The following ARL13A variants were observed in gnomAD, a reference collection of about 807,000 sequenced individuals.
ARL13A encodes ADP-ribosylation factor-like protein 13A.
Under a neutral mutation model 19.1 loss-of-function variants are expected in ARL13A, and 16 were observed. The observed-to-expected ratio is 0.84, with a 90% CI of 0.57 to 1.27. ARL13A has a LOEUF of 1.27. Among genes scored for constraint, ARL13A ranks in the 50% most tolerant of loss-of-function variants. The probability of loss-of-function intolerance (pLI) is 0.00; values close to 1 mark genes in which losing one functional copy is unlikely to be tolerated. For synonymous variants in ARL13A, 69 were observed against 71.3 expected, an observed-to-expected ratio of 0.97 and a Z score of 0.17; for missense variants, 153 against 186.4, an observed-to-expected ratio of 0.82 and a Z score of 1.04.
At chrX:100,979,071 T>C (rs1602450953) in intron 3 of ARL13A, among the ~76,000 whole-genome samples, 1 of 111,996 alleles carries the variant, frequency 8.9e-6, no homozygotes, top group Non-Finnish European at 1.9e-5. Flanking sequence ...TTATATCTTA[T>C]TATACTGTCT....
intron 3 of ARL13A, among the ~76,000 whole-genome samples, chrX:100,984,024 G>T (rs1367726581): frequency 2.7e-5 from 3 of 111,566 alleles, no homozygotes; most frequent in Non-Finnish European, 5.6e-5. Flanking sequence ...CTACTAATGT[G>T]GGAAGAGAGC....
intron 7 of ARL13A, among the ~76,000 whole-genome samples, chrX:100,988,851 C>CATATATATAT (rs55947893): frequency 2.5e-3 from 196 of 79,650 alleles, no homozygotes; most frequent in African/African-American, 6.2e-3. Context: ...TAATATATCT[C>CATATATATAT]ATATATATAT....
intron 3 of ARL13A, among the ~76,000 whole-genome samples, chrX:100,978,626 T>G (rs1278618864): frequency 9.2e-6 from 1 of 108,702 alleles, no homozygotes; most frequent in Non-Finnish European, 1.9e-5. Flanking sequence ...GATCATGTGT[T>G]TTTTTTTTTA....
At chrX:100,989,686 G>A (rs761847063) in intron 7 of ARL13A, among the ~76,000 whole-genome samples, 3 of 111,707 alleles carry the variant, frequency 2.7e-5, no homozygotes, top group Non-Finnish European at 5.6e-5. Flanking sequence ...TAAGCTATGA[G>A]GGCTTAAAGG....
At chrX:100,976,931 G>A (rs966068106) in intron 3 of ARL13A, among the ~76,000 whole-genome samples, 3 of 112,576 alleles carry the variant, frequency 2.7e-5, no homozygotes, top group African/African-American at 6.5e-5. Flanking sequence ...ACAGATAATT[G>A]CCTAGGAAGG....
intron 2 of ARL13A, 31 bp from the exon 3 acceptor site, chrX:100,974,096 C>G (rs371949112): frequency 8.9e-7 from 1 of 1,122,178 alleles, no homozygotes; most frequent in African/African-American, 1.8e-5. Context: ...TGTTTTAAGA[C>G]TTTGGGCTCA....
rs1216048879 is a variant in ARL13A, at chrX:100,986,910, C to G, written c.486+9C>G. The stretch of plus-strand genomic sequence containing the variant: ...AGTGCCCATGCCGAGTAGTAAGTGT[C>G]AACCTCTTCCTTCCCTCTTCCTCTG... On this transcript the variant is annotated intron_variant, in intron 5 of 7. Transcript: ENST00000450049. The G allele has an allele frequency of 9.1e-7, 1 of 1,100,261 alleles. No individual in the cohort carries two copies. Among genetic ancestry groups the G allele is most frequent in the Admixed American group, 2.3e-5 (1 of 42,678 alleles). 90.7% of individuals were successfully genotyped at this position (1,100,261 alleles called of 1,213,427 possible).
rs1040148045 is a variant in ARL13A, at chrX:100,986,921, T to A, written c.486+20T>A. ...CGAGTAGTAAGTGTCAACCTCTTCC[T>A]TCCCTCTTCCTCTGGAGCCCAGCTG... is the stretch of plus-strand genomic sequence containing the variant. On this transcript the variant is annotated intron_variant, in intron 5 of 7. Transcript: ENST00000450049. 11 of 1,070,639 alleles carry A rather than the reference T, an allele frequency of 1.0e-5. No homozygotes were observed. Among genetic ancestry groups the A allele is most frequent in the Non-Finnish European group, 1.4e-5 (11 of 780,642 alleles). 88.2% of individuals were successfully genotyped at this position (1,070,639 alleles called of 1,213,427 possible). A position where few individuals can be genotyped will look rare whatever the true frequency, so the allele number is the denominator to read the frequency against.
At chrX:100,973,572 C>T (rs1037254687) in intron 1 of ARL13A, 104 bp from the exon 2 acceptor site, 68 of 954,510 alleles carry the variant, frequency 7.1e-5, no homozygotes, top group African/African-American at 1.9e-5. Flanking sequence ...CTAACAATCC[C>T]AGGCTTTCTG....
At chrX:100,974,380 C>T (rs745803229) in intron 3 of ARL13A, among the ~76,000 whole-genome samples, 183 bp downstream of exon 3, 1 of 109,934 alleles carries the variant, frequency 9.1e-6, no homozygotes, top group East Asian at 2.9e-4. Context: ...CTCTCTCTCT[C>T]TCTCCCCCTT....
chrX:100,988,488 G>A (rs1341808967), intron 7 of ARL13A: 13 of 1,178,184 alleles, frequency 1.1e-5, no homozygotes, highest in South Asian at 1.9e-5. Flanking sequence ...AGAATACTAC[G>A]AAGCTTTGCT....
At chrX:100,987,669 C>T (rs754988320) in intron 6 of ARL13A, 113 bp downstream of exon 6, 497 of 846,162 alleles carry the variant, frequency 5.9e-4, no homozygotes, top group Non-Finnish European at 7.7e-4. Flanking sequence ...TTGAGCAAGT[C>T]TCTTGATATC....
At chrX:100,973,421 C>G (rs1428051485) in intron 1 of ARL13A, among the ~76,000 whole-genome samples, 2 of 105,386 alleles carry the variant, frequency 1.9e-5, no homozygotes, top group Non-Finnish European at 3.9e-5. Flanking sequence ...CGCTGCCTCC[C>G]GGGCGGCGCT....
At chrX:100,988,149 G>A in intron 6 of ARL13A, 44 bp from the exon 7 acceptor site, 1 of 1,062,947 alleles carries the variant, frequency 9.4e-7, no homozygotes, top group Non-Finnish European at 1.3e-6. Flanking sequence ...GAAGCTTGAA[G>A]TGTGTCCGTT....
intron 3 of ARL13A, among the ~76,000 whole-genome samples, chrX:100,975,505 T>C (rs1406931552): frequency 8.9e-6 from 1 of 111,922 alleles, no homozygotes; most frequent in Non-Finnish European, 1.9e-5. Flanking sequence ...ATGGATTTTT[T>C]CCTCTCTGTA....
chrX:100,972,467 C>T (rs1323958312), intron 1 of ARL13A, among the ~76,000 whole-genome samples: 2 of 96,087 alleles, frequency 2.1e-5, no homozygotes, highest in East Asian at 3.6e-4. Context: ...CCAGACGGGG[C>T]GGCTGGCCGG....
At chrX:100,980,094 T>A (rs963870110) in intron 3 of ARL13A, among the ~76,000 whole-genome samples, 5 of 110,566 alleles carry the variant, frequency 4.5e-5, no homozygotes, top group Non-Finnish European at 7.6e-5. Flanking sequence ...TGGCAACTAT[T>A]TCCTGGCTAT....
At chrX:100,974,522 A>C (rs1347326623) in intron 3 of ARL13A, among the ~76,000 whole-genome samples, 1 of 111,250 alleles carries the variant, frequency 9.0e-6, no homozygotes, top group Non-Finnish European at 1.9e-5. Context: ...TACGTAAAGC[A>C]TTGCAGTCAA....
intron 7 of ARL13A, chrX:100,988,535 A>T: frequency 9.0e-7 from 1 of 1,107,581 alleles, no homozygotes; most frequent in Non-Finnish European, 1.2e-6. Context: ...CCAGCTCCAT[A>T]TGCTGATGAC....
Sources: allele counts gnomAD v4.1 joint callset (sites outside exome capture counted in the v4.1 genomes callset), GRCh38; gene constraint gnomAD v4.1.1; transcripts MANE v1.5; gene names NCBI Gene and HGNC (gene_info 2026-07-23, HGNC 2026-07-21).